The following BEND7 variants were observed in gnomAD, a reference collection of about 807,000 sequenced individuals.
The protein encoded by BEND7 is BEN domain-containing protein 7.
Under a neutral mutation model 50.9 loss-of-function variants are expected in BEND7, and 28 were observed. That is an observed-to-expected ratio of 0.55 (90% CI 0.41 to 0.75). The LOEUF is 0.75. BEND7 is among the 30% of genes least tolerant of loss of function. The pLI, the probability that BEND7 is intolerant of heterozygous loss-of-function variation, is 0.00. For missense variants in BEND7, 477 were observed against 491.3 expected, an observed-to-expected ratio of 0.97 and a Z score of 0.28; for synonymous variants, 170 against 183.9, an observed-to-expected ratio of 0.92 and a Z score of 0.61.
intron 1 of BEND7, chr10:13,527,980 G>T: frequency 3.5e-6 from 1 of 284,518 alleles, no homozygotes; most frequent in Non-Finnish European, 5.3e-6. Context: ...TAGAGATGTT[G>T]GATGTCAACA....
chr10:13,501,005 T>C (rs1440751934), intron 2 of BEND7, among the ~76,000 whole-genome samples: 1 of 152,226 alleles, frequency 6.6e-6, no homozygotes, highest in Admixed American at 6.5e-5. Flanking sequence ...GGACATTTTT[T>C]TAAAATGAAA....
intron 2 of BEND7, among the ~76,000 whole-genome samples, chr10:13,522,738 CATTTA>C (rs1312971386): frequency 6.6e-6 from 1 of 152,162 alleles, no homozygotes; most frequent in Non-Finnish European, 1.5e-5. Flanking sequence ...TCACATTTGT[CATTTA>C]ATTACCGTTC....
chr10:13,439,165 G>A (rs1835047112), downstream of BEND7: 4 of 1,597,432 alleles, frequency 2.5e-6, no homozygotes, highest in South Asian at 1.1e-5. Flanking sequence ...AAATAAGCAA[G>A]ATAATTTCAG....
chr10:13,459,317 G>A (rs1839726159), intron 6 of BEND7, among the ~76,000 whole-genome samples: 1 of 152,114 alleles, frequency 6.6e-6, no homozygotes, highest in African/African-American at 2.4e-5. Context: ...CTGGGCCGTG[G>A]GTAGGATGGA....
At chr10:13,461,632 C>G (rs930675052) in intron 6 of BEND7, among the ~76,000 whole-genome samples, 1 of 151,952 alleles carries the variant, frequency 6.6e-6, no homozygotes, top group Non-Finnish European at 1.5e-5. Flanking sequence ...ACTTGGGAGG[C>G]TGAGGCAGGA....
intron 2 of BEND7, among the ~76,000 whole-genome samples, chr10:13,524,136 C>G (rs908914547): frequency 1.1e-4 from 16 of 152,186 alleles, no homozygotes; most frequent in Non-Finnish European, 1.5e-4. Context: ...TGCTCTTCAG[C>G]TTCCCCTCTC....
Position 13,468,484 on chromosome 10 carries a change from G to T in BEND7, c.1063+12415C>A, listed in dbSNP as rs187556939. ...ACAAGGAGAGAGAAATTCAAGTTACGGAGTCTTGGAAAAGGCCAGAGTTCG... is the reference window on the plus strand; with the variant it reads ...ACAAGGAGAGAGAAATTCAAGTTACTGAGTCTTGGAAAAGGCCAGAGTTCG... On this transcript the variant is annotated intron_variant, in intron 6 of 8. Coordinates refer to ENST00000466271, the MANE Select transcript of BEND7 (RefSeq NM_001369863.1). 2.0e-5 allele frequency among the ~76,000 whole-genome samples: 3 copies of T among 152,268 alleles called. No individual in the cohort carries two copies. In the East Asian group the frequency reaches 5.8e-4, roughly 29 times the overall value.
At chr10:13,503,947 A>C (rs961363745) in intron 2 of BEND7, among the ~76,000 whole-genome samples, 6 of 152,208 alleles carry the variant, frequency 3.9e-5, no homozygotes, top group African/African-American at 1.4e-4. Flanking sequence ...GAAGCAGCTG[A>C]GCAGGTCACC....
intron 3 of BEND7, among the ~76,000 whole-genome samples, chr10:13,499,219 A>T (rs1174985666): frequency 6.6e-6 from 1 of 152,220 alleles, no homozygotes; most frequent in Non-Finnish European, 1.5e-5. Flanking sequence ...TTAAATTAAG[A>T]AAATTTTACT....
intron 5 of BEND7, among the ~76,000 whole-genome samples, chr10:13,490,521 C>T (rs919704928): frequency 6.6e-5 from 10 of 152,218 alleles, no homozygotes; most frequent in Non-Finnish European, 5.9e-5. Flanking sequence ...GCTCACTGCT[C>T]CTGTCTAGCC....
chr10:13,453,691 T>C (rs1169664935), intron 6 of BEND7, among the ~76,000 whole-genome samples: 1 of 152,170 alleles, frequency 6.6e-6, no homozygotes, highest in African/African-American at 2.4e-5. Flanking sequence ...AGGAAAAATG[T>C]TCCATTAATA....
chr10:13,441,700 C>A lies in BEND7; in HGVS notation c.*43G>T. On this transcript the variant is annotated 3_prime_UTR_variant, in exon 9 of 9. Coordinates refer to ENST00000466271, the MANE Select transcript of BEND7 (RefSeq NM_001369863.1). Reference sequence around the variant, plus strand: ...GGAGGCAGAGGACGGATTTTAAAACCCATGGTGCAAAAAACACAAGAGCTG... The same window carrying A: ...GGAGGCAGAGGACGGATTTTAAAACACATGGTGCAAAAAACACAAGAGCTG... 6.2e-7 allele frequency: 1 copy of A among 1,612,620 alleles called. No homozygotes were observed.
At chr10:13,439,384 A>G, downstream of BEND7, 1 of 1,614,166 alleles carries the variant, frequency 6.2e-7, no homozygotes, top group Non-Finnish European at 8.5e-7. Context: ...TGCTCCTCCC[A>G]GGGTTCTGCC....
chr10:13,512,482 T>A (rs970013188), intron 2 of BEND7, among the ~76,000 whole-genome samples: 1 of 152,230 alleles, frequency 6.6e-6, no homozygotes, highest in Non-Finnish European at 1.5e-5. Context: ...GTAACACAAG[T>A]CTTGCCTTCA....
At chr10:13,488,544 G>A (rs894833280) in intron 5 of BEND7, among the ~76,000 whole-genome samples, 1 of 152,048 alleles carries the variant, frequency 6.6e-6, no homozygotes, top group African/African-American at 2.4e-5. Context: ...CTGGAGTGCA[G>A]CGGTGCAATC....
rs149598676 is a variant in BEND7 at position 13,486,756 on chromosome 10, G to A, written c.838-5632C>T. Among the ~76,000 whole-genome samples, 41 of 152,260 alleles carry A rather than the reference G, an allele frequency of 2.7e-4. No homozygotes were observed. The East Asian group carries it at 7.3e-3, about 27-fold the overall frequency. On this transcript the variant is annotated intron_variant, in intron 5 of 8. Coordinates refer to ENST00000466271, the MANE Select transcript of BEND7 (RefSeq NM_001369863.1). Reference sequence around the variant, plus strand: ...AATTTGGTCCCTTGAAATTTTCTCCGTGTACTTGCATAATGAGACATTCCC... The same window carrying A: ...AATTTGGTCCCTTGAAATTTTCTCCATGTACTTGCATAATGAGACATTCCC...
intron 6 of BEND7, among the ~76,000 whole-genome samples, chr10:13,455,183 C>T (rs1318257828): frequency 1.3e-5 from 2 of 151,986 alleles, no homozygotes; most frequent in South Asian, 2.1e-4. Flanking sequence ...AACAAACACA[C>T]AACAAAACAA....
At chr10:13,448,899 C>T (rs1299045994) in intron 7 of BEND7, among the ~76,000 whole-genome samples, 2 of 147,720 alleles carry the variant, frequency 1.4e-5, no homozygotes, top group East Asian at 4.0e-4. Flanking sequence ...GGTGTGAACC[C>T]GGGAGGCGGA....
chr10:13,527,720 T>C (rs2079522803), intron 1 of BEND7: 1 of 477,848 alleles, frequency 2.1e-6, no homozygotes, highest in Non-Finnish European at 2.7e-6. Flanking sequence ...TGAGTTATCA[T>C]TTTTTTAAAA....
Sources: allele counts gnomAD v4.1 joint callset (sites outside exome capture counted in the v4.1 genomes callset), GRCh38; gene constraint gnomAD v4.1.1; transcripts MANE v1.5; gene names NCBI Gene and HGNC (gene_info 2026-07-23, HGNC 2026-07-21).